The following PTPN13 variants were observed in gnomAD, a reference collection of about 807,000 sequenced individuals.
The protein encoded by PTPN13 is tyrosine-protein phosphatase non-receptor type 13.
In PTPN13, 191 loss-of-function variants were observed where a neutral mutation model predicts 284.0. That is an observed-to-expected ratio of 0.67 (90% CI 0.60 to 0.76). The LOEUF is 0.76. Ranked by LOEUF, PTPN13 falls within the 30% of genes least tolerant of loss-of-function variation. The pLI, the probability that PTPN13 is intolerant of heterozygous loss-of-function variation, is 0.00. For missense variants in PTPN13, 2,797 were observed against 2,939.9 expected (o/e 0.95, Z 1.12); for synonymous variants, 986 against 1,022.3 (o/e 0.96, Z 0.68).
intron 17 of PTPN13, among the ~76,000 whole-genome samples, chr4:86,745,553 G>A (rs1323924159): frequency 6.6e-6 from 1 of 152,036 alleles, no homozygotes; most frequent in Non-Finnish European, 1.5e-5. Context: ...GAGGCGGGTG[G>A]ATCACGAGGT....
chr4:86,785,122 T>C, intron 38 of PTPN13, 109 bp from the exon 39 acceptor site: 1 of 777,114 alleles, frequency 1.3e-6, no homozygotes, highest in Non-Finnish European at 1.9e-6. Flanking sequence ...ACTTTTAAAA[T>C]TGGTTGCTTA....
Position 86,782,217 on chromosome 4 carries a change from G to A in PTPN13, c.5979G>A (p.Gly1993=), listed in dbSNP as rs762428056. 6.2e-7 allele frequency: 1 copy of A among 1,609,192 alleles called. No individual in the cohort carries two copies. The highest frequency in any genetic ancestry group is 8.5e-7 in the Non-Finnish European group (1 of 1,175,684). ...STKGNGSYSV[G]SCSQPALTPN... ...TCCTTTCAGGTTCCTACAGTGTGGG[G>A]TCTTGCAGCCAGCCTGCCCTCACTC... Residue 1993 remains glycine, a synonymous_variant, in exon 37 of 48, where the codon GGG becomes GGA. Coordinates refer to ENST00000411767, the MANE Select transcript of PTPN13 (RefSeq NM_080683.3).
Position 86,771,208 on chromosome 4 carries a change from G to T in PTPN13, c.4841G>T (p.Ser1614Ile). The T allele has an allele frequency of 6.2e-7, 1 of 1,611,958 alleles. No homozygotes were observed. The highest frequency in any genetic ancestry group is 8.5e-7 in the Non-Finnish European group (1 of 1,179,036). The change falls in exon 31 of 48, where the codon AGC becomes ATC. Residue 1614 changes from serine to isoleucine, a missense_variant. Physicochemically the swap from Ser to Ile is moderately radical, Grantham distance 142 (BLOSUM62 -2). Transcript: ENST00000411767. The part of the protein sequence containing the change: ...LQSPAQVLPN[S>I]SKDSSQPSCV... ...TCTCCAGCACAAGTACTTCCAAACA[G>T]CAGTAAAGACTCTTCTCAGCCATCA... is the stretch of plus-strand genomic sequence containing the variant.
intron 1 of PTPN13, among the ~76,000 whole-genome samples, chr4:86,626,129 C>T (rs1180392886): frequency 1.3e-5 from 2 of 152,222 alleles, no homozygotes; most frequent in East Asian, 3.9e-4. Context: ...CCTGGTTTTA[C>T]TTTTCTCCTA....
chr4:86,814,369 C>T (rs1442868758), intron 47 of PTPN13, 87 bp from the exon 48 acceptor site: 3 of 882,676 alleles, frequency 3.4e-6, no homozygotes, highest in Non-Finnish European at 5.0e-6. Context: ...ACTCATCCAA[C>T]ATCACTTCCA....
At chr4:86,652,262 T>C (rs1565236162) in intron 2 of PTPN13, among the ~76,000 whole-genome samples, 1 of 152,186 alleles carries the variant, frequency 6.6e-6, no homozygotes, top group Non-Finnish European at 1.5e-5. Context: ...TTTTGATGGG[T>C]TTTTCTTTTA....
In PTPN13 at chr4:86,689,555, A is replaced by G. The variant is rs185522930; in HGVS notation, c.546+365A>G. 5.3e-5 allele frequency: 35 copies of G among 656,414 alleles called. No homozygotes were observed. In the African/African-American group the frequency reaches 5.4e-4, roughly 10 times the overall value. The allele number at this position is 656,414 out of a possible 1,614,324, so 40.7% of individuals were successfully genotyped here. ...TAACATGAAAATGGGTTTTAGAAATATTTAAATGTACTTTCTGTTGCTTTA... is the reference window on the plus strand; with the variant it reads ...TAACATGAAAATGGGTTTTAGAAATGTTTAAATGTACTTTCTGTTGCTTTA... On this transcript the variant is annotated intron_variant, in intron 5 of 47. Coordinates refer to ENST00000411767, the MANE Select transcript of PTPN13 (RefSeq NM_080683.3).
chr4:86,709,315 G>A (rs1732117629), intron 7 of PTPN13, among the ~76,000 whole-genome samples: 1 of 152,014 alleles, frequency 6.6e-6, no homozygotes, highest in South Asian at 2.1e-4. Flanking sequence ...TGAAATTATT[G>A]CTTTTCAGGA....
intron 1 of PTPN13, among the ~76,000 whole-genome samples, chr4:86,599,275 ATT>A (rs1400247820): frequency 6.6e-6 from 1 of 152,120 alleles, no homozygotes; most frequent in Non-Finnish European, 1.5e-5. Context: ...TATATTTTAT[ATT>A]TATGTATTTT....
intron 2 of PTPN13, among the ~76,000 whole-genome samples, chr4:86,671,745 C>A (rs1353097851): frequency 6.6e-6 from 1 of 152,152 alleles, no homozygotes; most frequent in Non-Finnish European, 1.5e-5. Flanking sequence ...TAAATTCAAG[C>A]AAAATATATA....
At chr4:86,690,808 C>A (rs188610939) in intron 5 of PTPN13, among the ~76,000 whole-genome samples, 2 of 152,176 alleles carry the variant, frequency 1.3e-5, no homozygotes, top group East Asian at 1.9e-4. Flanking sequence ...CATATAAAAT[C>A]TTCATCCCTT....
intron 10 of PTPN13, 147 bp from the exon 11 acceptor site, chr4:86,732,253 C>T (rs1474847804): frequency 1.6e-6 from 1 of 636,014 alleles, no homozygotes; most frequent in Admixed American, 3.2e-5. Context: ...TTCATGAAAG[C>T]TTCAACGTTT....
chr4:86,685,407 G>A (rs1380303666), intron 3 of PTPN13, among the ~76,000 whole-genome samples: 4 of 152,030 alleles, frequency 2.6e-5, no homozygotes, highest in East Asian at 3.9e-4. Flanking sequence ...TCAGGAGTTC[G>A]AGAACAGCCT....
chr4:86,616,218 T>G (rs1341046166), intron 1 of PTPN13, among the ~76,000 whole-genome samples: 1 of 152,198 alleles, frequency 6.6e-6, no homozygotes, highest in Non-Finnish European at 1.5e-5. Flanking sequence ...TCAAATACAT[T>G]CAATAAAGAT....
chr4:86,681,033 G>GTGATTATGA (rs879733061), intron 3 of PTPN13, among the ~76,000 whole-genome samples: 1 of 152,040 alleles, frequency 6.6e-6, no homozygotes, highest in Non-Finnish European at 1.5e-5. Flanking sequence ...TTTGATGATG[G>GTGATTATGA]TGATGATGAT....
In PTPN13 at chr4:86,742,989, A is replaced by G. The variant is rs185274208; in HGVS notation, c.2487+1173A>G. ...TTGCATTCCCATGGAAATTATTCCT[A>G]TATTTAATAGCATTCATTTTTCCTG... On this transcript the variant is annotated intron_variant, in intron 16 of 47. Transcript: ENST00000411767. Among the ~76,000 whole-genome samples, 41 of 152,306 alleles carry G rather than the reference A, an allele frequency of 2.7e-4. 1 individual carries two copies. The highest frequency in any genetic ancestry group is 1.6e-3 in the Admixed American group (24 of 15,304).
At position 86,750,470 on chromosome 4, in the gene PTPN13, A is replaced by G. The variant is rs753717395; in HGVS notation, c.2651A>G (p.Glu884Gly). Residue 884 changes from glutamate to glycine, a missense_variant and splice_region_variant, in exon 18 of 48, where the codon GAG becomes GGG. Coordinates refer to ENST00000411767, the MANE Select transcript of PTPN13 (RefSeq NM_080683.3). Reference sequence around the variant, plus strand: ...GTAAAGCAATCCTATTTCCTTGTAGAGAGAGCTTCGTTTAGGAGCCTGAAT... The same window carrying G: ...GTAAAGCAATCCTATTTCCTTGTAGGGAGAGCTTCGTTTAGGAGCCTGAAT... ...RQSNQDAQDI[E>G]RASFRSLNLQ... 1 of 1,610,498 alleles carries G rather than the reference A, an allele frequency of 6.2e-7. No individual in the cohort carries two copies. Among genetic ancestry groups the G allele is most frequent in the African/African-American group, 1.3e-5 (1 of 74,956 alleles).
chr4:86,621,062 A>G (rs923085324), intron 1 of PTPN13, among the ~76,000 whole-genome samples: 2 of 152,136 alleles, frequency 1.3e-5, no homozygotes, highest in South Asian at 2.1e-4. Context: ...TGTTACCTCT[A>G]TTTGGATCTT....
chr4:86,765,153 A>G (rs1314438516), intron 25 of PTPN13, among the ~76,000 whole-genome samples: 2 of 152,220 alleles, frequency 1.3e-5, no homozygotes, highest in Non-Finnish European at 2.9e-5. Flanking sequence ...AGAAGTTCCC[A>G]AGGAATATAT....
Sources: allele counts gnomAD v4.1 joint callset (sites outside exome capture counted in the v4.1 genomes callset), GRCh38; gene constraint gnomAD v4.1.1; transcripts MANE v1.5; gene names NCBI Gene and HGNC (gene_info 2026-07-23, HGNC 2026-07-21).